Variants in NRG1 observed in about 807,000 individuals in gnomAD.
NRG1 encodes the protein neuregulin 1, also known as pro-neuregulin-1, membrane-bound isoform.
NRG1 carries 18 observed loss-of-function variants against 63.8 expected under a neutral mutation model. The ratio of observed to expected loss-of-function variants is 0.28; its 90% CI spans 0.19 to 0.42. The LOEUF is 0.42. Among genes scored for constraint, NRG1 ranks in the 10% least tolerant of loss-of-function variants. The pLI is 1.00. For missense variants in NRG1, 762 were observed against 814.7 expected, an observed-to-expected ratio of 0.94 and a Z score of 0.79; for synonymous variants, 302 against 301.3, an observed-to-expected ratio of 1.00 and a Z score of -0.02.
chr8:31,711,589 C>T (rs1811752147), intron 1 of NRG1, among the ~76,000 whole-genome samples: 1 of 152,120 alleles, frequency 6.6e-6, no homozygotes, highest in South Asian at 2.1e-4. Flanking sequence ...TATTTTATTT[C>T]AAAGACTTTT....
intron 1 of NRG1, among the ~76,000 whole-genome samples, chr8:31,657,311 A>G (rs1181456488): frequency 1.3e-5 from 2 of 152,244 alleles, no homozygotes; most frequent in African/African-American, 4.8e-5. Flanking sequence ...TGGGGGAAAG[A>G]TGAAAATGAA....
Position 31,868,134 on chromosome 8 carries a change from C to T in NRG1, c.37+228703C>T, listed in dbSNP as rs189267396. 3.5e-4 allele frequency among the ~76,000 whole-genome samples: 50 copies of T among 143,050 alleles called. No homozygotes were observed. In the East Asian group the frequency reaches 6.8e-3, roughly 20 times the overall value. 93.8% of individuals were successfully genotyped at this position (143,050 alleles called of 152,430 possible). A position where few individuals can be genotyped will look rare whatever the true frequency, so the allele number is the denominator to read the frequency against. The stretch of plus-strand genomic sequence containing the variant: ...CTCTACCATCCCAAACACACACACA[C>T]ACACATACATCTTACACACACACAC... On this transcript the variant is annotated intron_variant, in intron 1 of 10. Transcript: ENST00000519301.
At chr8:31,986,649 G>T (rs1161111670) in intron 1 of NRG1, among the ~76,000 whole-genome samples, 1 of 152,088 alleles carries the variant, frequency 6.6e-6, no homozygotes, top group African/African-American at 2.4e-5. Flanking sequence ...AAGAAAAGTA[G>T]ATTTGTGAGT....
At chr8:32,404,271 G>T (rs540164945) in intron 1 of NRG1, among the ~76,000 whole-genome samples, 1 of 152,028 alleles carries the variant, frequency 6.6e-6, no homozygotes. Flanking sequence ...AAGGGGCGGG[G>T]GTAATGACAA....
At chr8:32,348,960 C>G (rs1374112329) in intron 1 of NRG1, among the ~76,000 whole-genome samples, 1 of 152,176 alleles carries the variant, frequency 6.6e-6, no homozygotes, top group African/African-American at 2.4e-5. Context: ...TATATCTTAG[C>G]AGAGTGCACT....
chr8:32,661,384 G>A (rs1935388620), intron 5 of NRG1, among the ~76,000 whole-genome samples: 1 of 152,172 alleles, frequency 6.6e-6, no homozygotes, highest in Admixed American at 6.5e-5. Flanking sequence ...GCGATGATGG[G>A]TCCTGTCATT....
At chr8:31,993,885 C>G (rs949802076) in intron 1 of NRG1, among the ~76,000 whole-genome samples, 1 of 152,038 alleles carries the variant, frequency 6.6e-6, no homozygotes, top group African/African-American at 2.4e-5. Context: ...CACCCCACAA[C>G]CAACCCTACT....
At chr8:32,723,464 G>A (rs1321882317) in intron 5 of NRG1, among the ~76,000 whole-genome samples, 1 of 151,776 alleles carries the variant, frequency 6.6e-6, no homozygotes, top group Non-Finnish European at 1.5e-5. Context: ...GGTGGATCAC[G>A]AGGCCAAGAG....
intron 5 of NRG1, among the ~76,000 whole-genome samples, chr8:32,644,251 T>G (rs1007341550): frequency 3.3e-5 from 5 of 152,314 alleles, no homozygotes; most frequent in Middle Eastern, 3.4e-3. Context: ...GTGTAGTTTA[T>G]TTTTCTAAGA....
chr8:32,240,412 G>A (rs998608013), intron 1 of NRG1, among the ~76,000 whole-genome samples: 1 of 152,106 alleles, frequency 6.6e-6, no homozygotes, highest in African/African-American at 2.4e-5. Context: ...GTAGAGGAGG[G>A]AGGGAGGTGT....
chr8:31,798,428 T>C (rs1055542221), intron 1 of NRG1, among the ~76,000 whole-genome samples: 2 of 152,198 alleles, frequency 1.3e-5, no homozygotes, highest in African/African-American at 4.8e-5. Context: ...GATAATGTAA[T>C]CTTTTGCTGT....
chr8:31,870,722 T>C (rs369576353), intron 1 of NRG1, among the ~76,000 whole-genome samples: 1 of 152,136 alleles, frequency 6.6e-6, no homozygotes, highest in South Asian at 2.1e-4. Flanking sequence ...TTGAGAGGGT[T>C]TTATTTTTTT....
At chr8:31,772,669 A>G (rs1321567679) in intron 1 of NRG1, among the ~76,000 whole-genome samples, 1 of 151,978 alleles carries the variant, frequency 6.6e-6, no homozygotes, top group Non-Finnish European at 1.5e-5. Context: ...TTTGCTTCTC[A>G]CTCCTAACAT....
At chr8:32,117,348 T>G (rs1319075264) in intron 1 of NRG1, among the ~76,000 whole-genome samples, 1 of 152,182 alleles carries the variant, frequency 6.6e-6, no homozygotes, top group African/African-American at 2.4e-5. Flanking sequence ...AATCCATGCT[T>G]CTTTACATTT....
chr8:32,007,669 T>C (rs1813999004), intron 1 of NRG1, among the ~76,000 whole-genome samples: 1 of 152,050 alleles, frequency 6.6e-6, no homozygotes, highest in African/African-American at 2.4e-5. Context: ...ATTCTTTTTT[T>C]ACACTGAGCT....
intron 1 of NRG1, among the ~76,000 whole-genome samples, chr8:32,138,914 GC>G (rs904198940): frequency 1.1e-4 from 17 of 152,020 alleles, no homozygotes; most frequent in Non-Finnish European, 2.5e-4. Flanking sequence ...CCTAATTTTG[GC>G]TTTTTGATTT....
At chr8:32,402,020 C>T (rs1813274092) in intron 1 of NRG1, among the ~76,000 whole-genome samples, 1 of 152,096 alleles carries the variant, frequency 6.6e-6, no homozygotes, top group South Asian at 2.1e-4. Context: ...AAGCAATTCT[C>T]CCTGCCTCAG....
intron 1 of NRG1, among the ~76,000 whole-genome samples, chr8:32,562,140 A>G (rs1301151476): frequency 6.6e-6 from 1 of 152,126 alleles, no homozygotes; most frequent in Non-Finnish European, 1.5e-5. Context: ...ATTCATACCC[A>G]GCTGGCCCCA....
intron 1 of NRG1, among the ~76,000 whole-genome samples, chr8:31,820,223 TC>T (rs1309003509): frequency 6.6e-6 from 1 of 152,082 alleles, no homozygotes; most frequent in Non-Finnish European, 1.5e-5. Context: ...CAGATATCTA[TC>T]CCCATGGGCA....
Sources: gnomAD v4.1 joint callset for allele counts (sites outside exome capture counted in the v4.1 genomes callset) on GRCh38, gnomAD v4.1.1 for gene constraint, MANE v1.5 for transcripts, NCBI Gene and HGNC (gene_info 2026-07-23, HGNC 2026-07-21) for gene names.